POFUT3: variants seen among roughly 807,000 people sequenced by gnomAD.
POFUT3 encodes GDP-fucose protein O-fucosyltransferase 3.
At chr8:33,386,533 G>A in the POFUT3 span, among the ~76,000 whole-genome samples, 1 of 152,168 alleles carries the variant, frequency 6.6e-6, no homozygotes, top group Non-Finnish European at 1.5e-5. Context: ...TTTACCCGCT[G>A]GGCGCTGTGG....
At chr8:33,435,205 A>T in the POFUT3 span, among the ~76,000 whole-genome samples, 1 of 148,892 alleles carries the variant, frequency 6.7e-6, no homozygotes, top group Non-Finnish European at 1.5e-5. Flanking sequence ...GCTTAATTTT[A>T]TTTAGTTTTT....
the POFUT3 span, among the ~76,000 whole-genome samples, chr8:33,413,335 C>A: frequency 6.6e-6 from 1 of 152,042 alleles, no homozygotes; most frequent in Admixed American, 6.6e-5. Flanking sequence ...CTCTCTCGGG[C>A]GCTCACTTGC....
chr8:33,431,004 G>A, the POFUT3 span, among the ~76,000 whole-genome samples: 5 of 152,118 alleles, frequency 3.3e-5, no homozygotes, highest in South Asian at 8.3e-4. Flanking sequence ...AGAGTTTTAC[G>A]GTTTTATGGC....
chr8:33,472,820 AG>A, the POFUT3 span, among the ~76,000 whole-genome samples: 1 of 152,204 alleles, frequency 6.6e-6, no homozygotes, highest in Non-Finnish European at 1.5e-5. Flanking sequence ...AATCTCAGGC[AG>A]TGGCTCTGCC....
At chr8:33,465,609 C>T in the POFUT3 span, among the ~76,000 whole-genome samples, 81,812 of 151,718 alleles carry the variant, frequency 0.54, 22,399 homozygotes, top group Non-Finnish European at 0.59. Context: ...ACTACAGGCG[C>T]GTGCCACCAC....
the POFUT3 span, among the ~76,000 whole-genome samples, chr8:33,423,125 T>A: frequency 6.6e-6 from 1 of 151,992 alleles, no homozygotes; most frequent in Non-Finnish European, 1.5e-5. Flanking sequence ...ATTCTTTAAC[T>A]CACTTTATGG....
the POFUT3 span, among the ~76,000 whole-genome samples, chr8:33,471,125 A>T: frequency 6.6e-6 from 1 of 152,262 alleles, no homozygotes; most frequent in Non-Finnish European, 1.5e-5. Context: ...ACCCATGTTC[A>T]GAAACATTGT....
At chr8:33,331,197 C>T in the POFUT3 span, among the ~76,000 whole-genome samples, 1 of 109,250 alleles carries the variant, frequency 9.2e-6, no homozygotes. Context: ...AAAAAATTAA[C>T]CGGGCGCGCG....
chr8:33,389,728 T>G, the POFUT3 span: 20 of 1,614,030 alleles, frequency 1.2e-5, no homozygotes, highest in Non-Finnish European at 1.7e-5. Flanking sequence ...TCGGGGACTC[T>G]TCATGAAAAA....
the POFUT3 span, chr8:33,372,737 G>A: frequency 6.2e-7 from 1 of 1,614,072 alleles, no homozygotes; most frequent in Non-Finnish European, 8.5e-7. Context: ...TGGTGAGAAA[G>A]CAAACACTGT....
chr8:33,355,631 T>G, the POFUT3 span, among the ~76,000 whole-genome samples: 1 of 152,206 alleles, frequency 6.6e-6, no homozygotes, highest in Non-Finnish European at 1.5e-5. Context: ...TATGTCCTGC[T>G]TCATCATCTC....
chr8:33,387,190 T>C, the POFUT3 span, among the ~76,000 whole-genome samples: 1 of 152,096 alleles, frequency 6.6e-6, no homozygotes, highest in Non-Finnish European at 1.5e-5. Context: ...GGAAGCATTC[T>C]CTGAGAAGAA....
At chr8:33,402,239 A>C in the POFUT3 span, among the ~76,000 whole-genome samples, 2 of 152,202 alleles carry the variant, frequency 1.3e-5, no homozygotes, top group Non-Finnish European at 1.5e-5. Context: ...AATTAATTAA[A>C]TCAAAGGCTT....
At chr8:33,372,534 C>A in the POFUT3 span, 1 of 1,576,950 alleles carries the variant, frequency 6.3e-7, no homozygotes. Context: ...GAAAATAAAC[C>A]TCAAGAAGGC....
the POFUT3 span, among the ~76,000 whole-genome samples, chr8:33,355,418 G>A: frequency 1.3e-5 from 2 of 152,062 alleles, no homozygotes; most frequent in Non-Finnish European, 2.9e-5. Context: ...AGCCTCCATC[G>A]ATTGATTTAA....
At chr8:33,380,624 G>A in the POFUT3 span, among the ~76,000 whole-genome samples, 1 of 150,308 alleles carries the variant, frequency 6.7e-6, no homozygotes, top group Non-Finnish European at 1.5e-5. Flanking sequence ...ATTGCTTGAG[G>A]TCAGAAGTTT....
the POFUT3 span, among the ~76,000 whole-genome samples, chr8:33,412,320 A>G: frequency 2.0e-5 from 3 of 152,222 alleles, no homozygotes; most frequent in Non-Finnish European, 2.9e-5. Context: ...AAGCAGAAAA[A>G]GGCCTCCAAG....
chr8:33,365,279 A>C, the POFUT3 span, among the ~76,000 whole-genome samples: 1 of 152,348 alleles, frequency 6.6e-6, no homozygotes, highest in South Asian at 2.1e-4. Flanking sequence ...TGAAGACTTA[A>C]ATGTTAGACC....
At chr8:33,472,587 A>C in the POFUT3 span, among the ~76,000 whole-genome samples, 1 of 152,208 alleles carries the variant, frequency 6.6e-6, no homozygotes, top group Non-Finnish European at 1.5e-5. Flanking sequence ...CTACGACTTC[A>C]ACACAACATT....
Sources: allele counts gnomAD v4.1 joint callset (sites outside exome capture counted in the v4.1 genomes callset), GRCh38; gene constraint gnomAD v4.1.1; transcripts MANE v1.5; gene names NCBI Gene and HGNC (gene_info 2026-07-23, HGNC 2026-07-21).